Variants in CUBN observed in about 807,000 individuals in gnomAD.
The protein encoded by CUBN is cubilin.
A neutral mutation model predicts 405.3 loss-of-function variants in CUBN; 282 were observed. That is an observed-to-expected ratio of 0.70 (90% CI 0.63 to 0.77). The LOEUF (loss-of-function observed/expected upper bound fraction) is 0.77. CUBN is among the 30% of genes least tolerant of loss of function. The pLI, the probability that CUBN is intolerant of heterozygous loss-of-function variation, is 0.00. For missense variants in CUBN, 4,514 were observed against 4,475.2 expected (o/e 1.01, Z -0.25); for synonymous variants, 1,684 against 1,617.0 (o/e 1.04, Z -0.99).
At chr10:16,933,512 T>C (rs567325776) in intron 39 of CUBN, among the ~76,000 whole-genome samples, 1 of 152,256 alleles carries the variant, frequency 6.6e-6, no homozygotes. Context: ...ATTTTCACCA[T>C]AATTTTGCTA....
intron 17 of CUBN, among the ~76,000 whole-genome samples, chr10:17,083,211 T>G (rs1836010759): frequency 6.6e-6 from 1 of 151,728 alleles, no homozygotes; most frequent in African/African-American, 2.4e-5. Context: ...ATTTCTGGAT[T>G]AAAAAAAATG....
chr10:17,094,993 T>C (rs1836341174), intron 14 of CUBN, among the ~76,000 whole-genome samples: 2 of 152,004 alleles, frequency 1.3e-5, no homozygotes, highest in African/African-American at 4.8e-5. Flanking sequence ...ATACACTACT[T>C]GATTTTAAAA....
chr10:16,981,317 A>G (rs1281965606), intron 31 of CUBN, among the ~76,000 whole-genome samples: 2 of 152,066 alleles, frequency 1.3e-5, no homozygotes, highest in African/African-American at 2.4e-5. Context: ...ACTTCCTCCA[A>G]CCTCTTTCAA....
In CUBN at chr10:17,126,644, A is replaced by G; in HGVS notation, c.387+117T>C. The G allele has an allele frequency of 2.6e-6, 3 of 1,158,506 alleles. No individual in the cohort carries two copies. The South Asian group carries it at 3.8e-5, about 15-fold the overall frequency. 71.8% of individuals were successfully genotyped at this position (1,158,506 alleles called of 1,614,324 possible). A position where few individuals can be genotyped will look rare whatever the true frequency, so the allele number is the denominator to read the frequency against. ...TGGGATGAGAATTAAATTATGGGAA[A>G]AAGCAAGTTTTTAATATTAATCATC... On this transcript the variant is annotated intron_variant, in intron 4 of 66. Transcript: ENST00000377833.
intron 28 of CUBN, among the ~76,000 whole-genome samples, chr10:16,995,370 T>C (rs1833704206): frequency 6.6e-6 from 1 of 152,282 alleles, no homozygotes; most frequent in Non-Finnish European, 1.5e-5. Flanking sequence ...TTCTTTCATC[T>C]ATAGCTGTAT....
At chr10:17,120,723 T>C (rs532332703) in intron 6 of CUBN, among the ~76,000 whole-genome samples, 1 of 152,338 alleles carries the variant, frequency 6.6e-6, no homozygotes, top group South Asian at 2.1e-4. Flanking sequence ...TTGTTTTGTT[T>C]TTCATTTTGC....
chr10:17,056,848 T>A (rs756392816), intron 22 of CUBN, among the ~76,000 whole-genome samples: 2 of 149,424 alleles, frequency 1.3e-5, no homozygotes, highest in African/African-American at 2.5e-5. Context: ...ATACAACATA[T>A]GACTCATTAA....
Position 16,909,267 on chromosome 10 carries a change from C to G in CUBN, c.7534-1588G>C, listed in dbSNP as rs192174971. Among the ~76,000 whole-genome samples the G allele has an allele frequency of 3.9e-5, 6 of 152,274 alleles. No individual in the cohort carries two copies. The East Asian group carries it at 1.2e-3, about 29-fold the overall frequency. On this transcript the variant is annotated intron_variant, in intron 48 of 66. Transcript: ENST00000377833. Reference sequence around the variant, plus strand: ...CTGGTGTAAAGTGTCTTCTGGCTCACTGGACCAGAAGAAGAGTTTGCTATC... The same window carrying G: ...CTGGTGTAAAGTGTCTTCTGGCTCAGTGGACCAGAAGAAGAGTTTGCTATC...
At chr10:17,038,419 C>G (rs1053371729) in intron 27 of CUBN, among the ~76,000 whole-genome samples, 5 of 152,078 alleles carry the variant, frequency 3.3e-5, no homozygotes, top group Non-Finnish European at 5.9e-5. Context: ...ATTTTATTTC[C>G]AGATCTGAAA....
rs751698534 is a variant in CUBN at position 16,925,579 on chromosome 10, C to G, written c.6462+5G>C. 5 of 1,613,674 alleles carry G rather than the reference C, an allele frequency of 3.1e-6. No individual in the cohort carries two copies. The African/African-American group carries it at 6.7e-5, about 22-fold the overall frequency. ...GTAATTAGAAAGGGTAGCAGCAAGA[C>G]CTACCACCAAGTAATCCCCCTGGTT... On this transcript the variant is annotated splice_donor_5th_base_variant and intron_variant, in intron 42 of 66. Transcript: ENST00000377833.
At chr10:17,088,455 C>G in intron 14 of CUBN, 110 bp from the exon 15 acceptor site, 1 of 764,178 alleles carries the variant, frequency 1.3e-6, no homozygotes, top group Admixed American at 2.3e-5. Context: ...TAACTATGAG[C>G]AGTTTTAGAC....
chr10:16,871,282 C>T (rs551751898), intron 58 of CUBN, among the ~76,000 whole-genome samples: 21 of 151,888 alleles, frequency 1.4e-4, no homozygotes, highest in South Asian at 2.1e-4. Flanking sequence ...CCTCAGGTGA[C>T]CTGCCTGCCT....
intron 28 of CUBN, among the ~76,000 whole-genome samples, chr10:17,011,143 C>A (rs1441805257): frequency 1.3e-5 from 2 of 152,188 alleles, no homozygotes; most frequent in Non-Finnish European, 2.9e-5. Context: ...CTATGAGACC[C>A]ACAAGCACTA....
In CUBN at chr10:17,109,704, G is replaced by A. The variant is rs376593789; in HGVS notation, c.1047C>T (p.Leu349=). ...CATTACTGACTGAGCAGATGTCTGT[G>A]AGTGTGCACACTCTTCCGTCACCCT... ...GYQGDGRVCT[L]TDICSVSNGG... Residue 349 remains leucine, a synonymous_variant, in exon 10 of 67, where the codon CTC becomes CTT. Transcript: ENST00000377833. 18 of 1,613,730 alleles carry A rather than the reference G, an allele frequency of 1.1e-5. No homozygotes were observed. The African/African-American group carries it at 2.0e-4, about 18-fold the overall frequency.
At position 16,925,260 on chromosome 10, in the gene CUBN, T is replaced by C. The variant is rs1842150699; in HGVS notation, c.6627A>G (p.Lys2209=). ...HSNEGQGFKI[K]YEAKSLACGG... ...ACTTACCTAAACTCTTTGCCTCATA[T>C]TTGATTTTAAATCCTTGCCCTTCAT... The change falls in exon 43 of 67, where the codon AAA becomes AAG. Residue 2209 remains lysine, a synonymous_variant. Transcript: ENST00000377833. The C allele has an allele frequency of 6.2e-7, 1 of 1,613,108 alleles. No individual in the cohort carries two copies. The highest frequency in any genetic ancestry group is 1.1e-5 in the South Asian group (1 of 91,052).
At chr10:17,019,320 C>T (rs1020008866) in intron 28 of CUBN, among the ~76,000 whole-genome samples, 1 of 152,212 alleles carries the variant, frequency 6.6e-6, no homozygotes, top group African/African-American at 2.4e-5. Flanking sequence ...AAGTACAACA[C>T]ATGCCCCTGG....
At position 17,104,411 on chromosome 10, in the gene CUBN, G is replaced by T; in HGVS notation, c.1417+8C>A. The stretch of plus-strand genomic sequence containing the variant: ...GAGCATCCGTGGCATAAGAAATGCT[G>T]ACTGTACCTTGCTGAGGAACCTGAC... On this transcript the variant is annotated splice_region_variant and intron_variant, in intron 12 of 66. Coordinates refer to ENST00000377833, the MANE Select transcript of CUBN (RefSeq NM_001081.4). 6.2e-7 allele frequency: 1 copy of T among 1,613,802 alleles called. No homozygotes were observed. The highest frequency in any genetic ancestry group is 8.5e-7 in the Non-Finnish European group (1 of 1,179,750).
At chr10:16,938,887 G>T in intron 38 of CUBN, 76 bp downstream of exon 38, 1 of 1,305,858 alleles carries the variant, frequency 7.7e-7, no homozygotes, top group Non-Finnish European at 1.1e-6. Flanking sequence ...TGCTTGAATA[G>T]ACGTTACCTT....
intron 52 of CUBN, 103 bp from the exon 53 acceptor site, chr10:16,900,953 G>A (rs1055508403): frequency 1.1e-6 from 1 of 882,744 alleles, no homozygotes; most frequent in Non-Finnish European, 1.8e-6. Flanking sequence ...TTTATAATTT[G>A]TATTTTTGTC....
Sources: gnomAD v4.1 joint callset for allele counts (sites outside exome capture counted in the v4.1 genomes callset) on GRCh38, gnomAD v4.1.1 for gene constraint, MANE v1.5 for transcripts, NCBI Gene and HGNC (gene_info 2026-07-23, HGNC 2026-07-21) for gene names.